The following SPTLC3 variants were observed in gnomAD, a reference collection of about 807,000 sequenced individuals.
The protein encoded by SPTLC3 is serine palmitoyltransferase 3.
SPTLC3 carries 36 observed loss-of-function variants against 59.3 expected under a neutral mutation model. The observed-to-expected ratio is 0.61, with a 90% CI of 0.47 to 0.80. SPTLC3 has a LOEUF of 0.80. SPTLC3 is among the 30% of genes least tolerant of loss of function. The probability of loss-of-function intolerance (pLI) is 0.00; values close to 1 mark genes in which losing one functional copy is unlikely to be tolerated. For missense variants in SPTLC3, 625 were observed against 685.1 expected (o/e 0.91, Z 0.98); for synonymous variants, 257 against 240.8 (o/e 1.07, Z -0.62).
chr20:13,074,619 G>GAA (rs150837910), intron 4 of SPTLC3, 122 bp downstream of exon 4: 360 of 1,079,076 alleles, frequency 3.3e-4, no homozygotes, highest in Middle Eastern at 8.9e-4. Context: ...ACTGCAGAAA[G>GAA]AAAAAAAAGA....
intron 1 of SPTLC3, among the ~76,000 whole-genome samples, chr20:13,047,216 C>T (rs998109992): frequency 6.6e-6 from 1 of 152,090 alleles, no homozygotes; most frequent in African/African-American, 2.4e-5. Flanking sequence ...GATAAAACTT[C>T]CAGTGACTAA....
chr20:13,127,068 CA>C (rs1261427881), intron 9 of SPTLC3, among the ~76,000 whole-genome samples: 1 of 152,176 alleles, frequency 6.6e-6, no homozygotes, highest in Non-Finnish European at 1.5e-5. Flanking sequence ...TCCCTAAGAC[CA>C]AAGTAGCCAA....
chr20:13,115,522 T>C (rs6041877), intron 7 of SPTLC3, among the ~76,000 whole-genome samples: 34,397 of 152,078 alleles, frequency 0.23, 4,183 homozygotes, highest in Middle Eastern at 0.35. Context: ...AAATGGCTAT[T>C]TGTGGCATGT....
intron 6 of SPTLC3, among the ~76,000 whole-genome samples, chr20:13,103,270 G>T (rs1989684099): frequency 1.3e-5 from 2 of 152,156 alleles, no homozygotes; most frequent in Non-Finnish European, 2.9e-5. Context: ...GCTAAAAAAG[G>T]GGGACAGTCC....
intron 2 of SPTLC3, among the ~76,000 whole-genome samples, chr20:13,054,005 G>T (rs1234998315): frequency 6.6e-6 from 1 of 152,146 alleles, no homozygotes; most frequent in Non-Finnish European, 1.5e-5. Context: ...AACCTGATTT[G>T]GTGTTTAATG....
chr20:13,012,224 A>C (rs1409515533), intron 1 of SPTLC3, among the ~76,000 whole-genome samples: 1 of 152,182 alleles, frequency 6.6e-6, no homozygotes, highest in East Asian at 1.9e-4. Context: ...CAGGATGAAA[A>C]AAAAATTGTA....
At chr20:13,058,706 A>G (rs1987828760) in intron 2 of SPTLC3, among the ~76,000 whole-genome samples, 2 of 152,164 alleles carry the variant, frequency 1.3e-5, no homozygotes, top group African/African-American at 4.8e-5. Context: ...TCTGGGGATC[A>G]TGTTAAAATG....
At chr20:13,093,977 TG>T (rs1301560054) in intron 6 of SPTLC3, among the ~76,000 whole-genome samples, 1 of 152,172 alleles carries the variant, frequency 6.6e-6, no homozygotes, top group Non-Finnish European at 1.5e-5. Context: ...CTTAGAAGAA[TG>T]CCTCCTTTCA....
At chr20:13,030,030 A>G (rs1986356260) in intron 1 of SPTLC3, among the ~76,000 whole-genome samples, 2 of 152,186 alleles carry the variant, frequency 1.3e-5, no homozygotes, top group Non-Finnish European at 1.5e-5. Context: ...GCAAGAAGAA[A>G]TTGGTTTATT....
At chr20:13,039,416 C>A (rs948800468) in intron 1 of SPTLC3, among the ~76,000 whole-genome samples, 2 of 152,046 alleles carry the variant, frequency 1.3e-5, no homozygotes, top group African/African-American at 4.8e-5. Context: ...TTGTCTGATA[C>A]TACTATAGCA....
chr20:13,096,579 C>CA (rs1399850009), intron 6 of SPTLC3, among the ~76,000 whole-genome samples: 1 of 151,946 alleles, frequency 6.6e-6, no homozygotes, highest in Non-Finnish European at 1.5e-5. Context: ...GTAGTCAATT[C>CA]AAAAATAGAC....
At chr20:13,160,541 A>G (rs1320155775) in intron 11 of SPTLC3, among the ~76,000 whole-genome samples, 2 of 152,228 alleles carry the variant, frequency 1.3e-5, no homozygotes, top group Admixed American at 6.5e-5. Flanking sequence ...TGGAAAACCA[A>G]CAAGAACAAA....
intron 8 of SPTLC3, among the ~76,000 whole-genome samples, chr20:13,118,802 C>G (rs1990737601): frequency 6.6e-6 from 1 of 152,212 alleles, no homozygotes; most frequent in South Asian, 2.1e-4. Context: ...CCAAGAAGTG[C>G]AGCAGAAAAC....
rs752751321 is a variant in SPTLC3, at chr20:13,168,257, C to T, written c.*3390C>T. ...ATAGTGCAATGGCAAGATCTCGGCTCATTGCAACCTCCACCTCCCGGGTTC... is the reference window on the plus strand; with the variant it reads ...ATAGTGCAATGGCAAGATCTCGGCTTATTGCAACCTCCACCTCCCGGGTTC... On this transcript the variant is annotated 3_prime_UTR_variant, in exon 12 of 12. Transcript: ENST00000399002. The T allele has an allele frequency of 6.6e-6, 1 of 150,530 alleles. No individual in the cohort carries two copies. Among genetic ancestry groups the T allele is most frequent in the Admixed American group, 6.6e-5 (1 of 15,066 alleles). 9.3% of individuals were successfully genotyped at this position (150,530 alleles called of 1,614,324 possible). A position where few individuals can be genotyped will look rare whatever the true frequency, so the allele number is the denominator to read the frequency against.
At chr20:13,107,766 G>GA (rs112676761) in intron 6 of SPTLC3, among the ~76,000 whole-genome samples, 171 of 140,440 alleles carry the variant, frequency 1.2e-3, no homozygotes, top group African/African-American at 4.7e-3. Context: ...GAAAGGAAAG[G>GA]AAAATGACCT....
At chr20:13,020,442 C>T (rs1163950429) in intron 1 of SPTLC3, among the ~76,000 whole-genome samples, 2 of 152,012 alleles carry the variant, frequency 1.3e-5, no homozygotes, top group Non-Finnish European at 2.9e-5. Context: ...GTGGGAGGAC[C>T]ACTTGAGCCC....
At chr20:13,136,618 T>TAA (rs34188580) in intron 9 of SPTLC3, among the ~76,000 whole-genome samples, 29,573 of 146,060 alleles carry the variant, frequency 0.2, 3,812 homozygotes, top group South Asian at 0.44. Context: ...TATATATATA[T>TAA]AATATACATA....
chr20:13,025,755 G>A (rs1986110852), intron 1 of SPTLC3, among the ~76,000 whole-genome samples: 1 of 152,008 alleles, frequency 6.6e-6, no homozygotes, highest in African/African-American at 2.4e-5. Context: ...TTAGGTTCAG[G>A]GGTACATGCA....
Position 13,160,065 on chromosome 20 carries a change from C to A in SPTLC3, c.1478C>A (p.Thr493Asn). Residue 493 changes from threonine to asparagine, a missense_variant, in exon 11 of 12, where the codon ACT becomes AAT. By Grantham distance (65) the Thr-to-Asn change is moderately conservative (BLOSUM62 0). Coordinates refer to ENST00000399002, the MANE Select transcript of SPTLC3 (RefSeq NM_018327.4). Reference protein sequence around the residue: ...IGVVVVGFPATPLAEARARFC... With the variant: ...IGVVVVGFPANPLAEARARFC... ...GTGGTGGTCGTGGGATTTCCAGCCA[C>A]TCCCCTCGCAGAAGCTCGGGCTCGG... The A allele has an allele frequency of 6.2e-7, 1 of 1,613,812 alleles. No individual in the cohort carries two copies. The highest frequency in any genetic ancestry group is 8.5e-7 in the Non-Finnish European group (1 of 1,179,908).
Sources: allele counts gnomAD v4.1 joint callset (sites outside exome capture counted in the v4.1 genomes callset), GRCh38; gene constraint gnomAD v4.1.1; transcripts MANE v1.5; gene names NCBI Gene and HGNC (gene_info 2026-07-23, HGNC 2026-07-21).